The following IL2RB variants were observed in gnomAD, a reference collection of about 807,000 sequenced individuals.
IL2RB encodes the protein interleukin-2 receptor subunit beta.
A neutral mutation model predicts 44.2 loss-of-function variants in IL2RB; 17 were observed. The observed-to-expected ratio is 0.38, with a 90% confidence interval of 0.26 to 0.58. IL2RB has a LOEUF of 0.58. Ranked by LOEUF, IL2RB falls within the 20% of genes least tolerant of loss-of-function variation. IL2RB has a pLI of 0.63. For synonymous variants in IL2RB, 286 were observed against 297.9 expected (o/e 0.96, Z 0.41); for missense variants, 624 against 685.5 (o/e 0.91, Z 1.00).
intron 6 of IL2RB, 72 bp from the exon 7 acceptor site, chr22:37,136,465 A>AACC (rs1921706322): frequency 1.5e-6 from 2 of 1,355,822 alleles, no homozygotes; most frequent in African/African-American, 3.3e-5. Context: ...AGCATCACAG[A>AACC]ACCCCCCCCC....
At position 37,172,203 on chromosome 22, in the gene IL2RB, C is replaced by T. The variant is rs1923309024; in HGVS notation, c.-34+2755G>A. On this transcript the variant is annotated intron_variant, in intron 1 of 5. Transcript: ENST00000429622. ...GTGAGCAAGAAAACTCAACTATTAA[C>T]TAAAGGTAAAGTAAAAAAAAAAAAA... Among the ~76,000 whole-genome samples the T allele has an allele frequency of 2.4e-5, 3 of 126,322 alleles. No individual in the cohort carries two copies. In the South Asian group the frequency reaches 7.2e-4, roughly 30 times the overall value. The allele number at this position is 126,322 out of a possible 152,430, so 82.9% of individuals were successfully genotyped here. A position where few individuals can be genotyped will look rare whatever the true frequency, so the allele number is the denominator to read the frequency against.
chr22:37,166,058 G>A (rs1923066736), intron 1 of IL2RB, among the ~76,000 whole-genome samples: 1 of 152,192 alleles, frequency 6.6e-6, no homozygotes, highest in Non-Finnish European at 1.5e-5. Flanking sequence ...GCAAACCTGA[G>A]CCATGCACAT....
At chr22:37,130,742 A>G (rs1019861165) in intron 9 of IL2RB, among the ~76,000 whole-genome samples, 3 of 152,256 alleles carry the variant, frequency 2.0e-5, no homozygotes, top group Non-Finnish European at 4.4e-5. Flanking sequence ...AACCAGTTCA[A>G]TGGGAGAATC....
intron 4 of IL2RB, among the ~76,000 whole-genome samples, chr22:37,140,985 C>T (rs889717405): frequency 3.9e-5 from 6 of 152,140 alleles, no homozygotes; most frequent in African/African-American, 1.2e-4. Flanking sequence ...GCTGCCCATC[C>T]GGAGTGGCCG....
At chr22:37,149,747 G>T in intron 1 of IL2RB, 78 bp downstream of exon 1, 3 of 683,898 alleles carry the variant, frequency 4.4e-6, no homozygotes, top group Non-Finnish European at 5.4e-6. Flanking sequence ...AGTCAGAGCT[G>T]AAAGTCTTCT....
chr22:37,156,628 G>C (rs565318496), intron 1 of IL2RB, among the ~76,000 whole-genome samples: 51 of 152,316 alleles, frequency 3.3e-4, no homozygotes, highest in African/African-American at 1.2e-3. Flanking sequence ...GCCTGTTAAG[G>C]ACCCTTCCCC....
intron 1 of IL2RB, among the ~76,000 whole-genome samples, chr22:37,145,088 C>CT (rs3218269): frequency 0.3 from 45,562 of 152,110 alleles, 7,447 homozygotes; most frequent in East Asian, 0.49. Context: ...CTCACTGTCC[C>CT]TCGAGGGAGC....
chr22:37,130,307 G>A lies in IL2RB; in HGVS notation c.904-1459C>T, dbSNP rs3218364. Among the ~76,000 whole-genome samples the A allele has an allele frequency of 6.0e-3, 921 of 152,320 alleles. 7 individuals are homozygous for A. The highest frequency in any genetic ancestry group is 8.0e-3 in the Non-Finnish European group (546 of 68,014). On this transcript the variant is annotated intron_variant, in intron 9 of 9. Coordinates refer to ENST00000216223, the MANE Select transcript of IL2RB (RefSeq NM_000878.5). ...AGCGGCCAGGCCTGTGGCCAGTGCC[G>A]GTGAGCCAGGGACCCACTGCCTGTG...
At chr22:37,164,624 C>G (rs1199982604) in intron 1 of IL2RB, among the ~76,000 whole-genome samples, 1 of 152,058 alleles carries the variant, frequency 6.6e-6, no homozygotes, top group African/African-American at 2.4e-5. Flanking sequence ...CTGTTTCTCT[C>G]TCGCTTGAAA....
intron 1 of IL2RB, among the ~76,000 whole-genome samples, chr22:37,162,223 C>T (rs1232294463): frequency 6.6e-6 from 1 of 152,164 alleles, no homozygotes; most frequent in Non-Finnish European, 1.5e-5. Flanking sequence ...TGCCCGCCCC[C>T]ACGGTTTTCT....
At chr22:37,147,573 C>T (rs1257827727) in intron 1 of IL2RB, among the ~76,000 whole-genome samples, 2 of 152,320 alleles carry the variant, frequency 1.3e-5, no homozygotes, top group Admixed American at 6.5e-5. Context: ...AGGCTCCAAG[C>T]CCCTAACTTG....
chr22:37,142,420 G>T lies in IL2RB; in HGVS notation c.282+14C>A. On this transcript the variant is annotated intron_variant, in intron 4 of 9. Transcript: ENST00000216223. ...ACCCTCTCCCTGCACTCTCTCCCTG[G>T]GTGGGCTACTCACATCTGGGGCTCC... 6.2e-7 allele frequency: 1 copy of T among 1,612,352 alleles called. No individual in the cohort carries two copies. The highest frequency in any genetic ancestry group is 8.5e-7 in the Non-Finnish European group (1 of 1,178,410).
chr22:37,144,637 C>T (rs1307591220), intron 1 of IL2RB, among the ~76,000 whole-genome samples: 4 of 151,978 alleles, frequency 2.6e-5, no homozygotes, highest in African/African-American at 7.3e-5. Context: ...CCCAGCTACT[C>T]GGGAGTCTAA....
intron 1 of IL2RB, among the ~76,000 whole-genome samples, chr22:37,149,142 C>G (rs1922366866): frequency 6.6e-6 from 1 of 152,136 alleles, no homozygotes; most frequent in South Asian, 2.1e-4. Context: ...GGCTTCGGCC[C>G]CCAGGAGAGG....
chr22:37,136,720 C>T (rs1746152775), intron 6 of IL2RB, among the ~76,000 whole-genome samples: 1 of 152,118 alleles, frequency 6.6e-6, no homozygotes, highest in African/African-American at 2.4e-5. Flanking sequence ...CTCTGGTTCC[C>T]ACCCGTGCCC....
Position 37,136,388 on chromosome 22 carries a change from G to T in IL2RB, c.543C>A (p.Ala181=). ...GCTTCTGCTTGAGAGTCAGCAGGGG[G>T]GCCTCCTGGGTCGGAGACAGGACTG... ...TLSPGHTWEE[A]PLLTLKQKQE... is the part of the protein sequence containing the mutation. The change falls in exon 7 of 10, where the codon GCC becomes GCA. Residue 181 remains alanine, a synonymous_variant. Transcript: ENST00000216223. The T allele has an allele frequency of 6.2e-7, 1 of 1,608,654 alleles. No homozygotes were observed. Among genetic ancestry groups the T allele is most frequent in the South Asian group, 1.1e-5 (1 of 90,114 alleles).
intron 1 of IL2RB, among the ~76,000 whole-genome samples, chr22:37,164,492 T>G (rs1034267156): frequency 1.5e-3 from 20 of 13,756 alleles, no homozygotes; most frequent in African/African-American, 2.3e-3. Flanking sequence ...GTGGTGGGGG[T>G]GGTGGGCAGG....
At chr22:37,133,386 C>T (rs1422469884) in intron 8 of IL2RB, among the ~76,000 whole-genome samples, 2 of 152,172 alleles carry the variant, frequency 1.3e-5, no homozygotes, top group Non-Finnish European at 2.9e-5. Context: ...ACCACTGCTC[C>T]AGGACGAGGG....
intron 2 of IL2RB, among the ~76,000 whole-genome samples, 165 bp downstream of exon 2, chr22:37,143,906 TGTGTGTGTGTGTGC>T (rs1297093027): frequency 3.8e-5 from 5 of 131,924 alleles, no homozygotes; most frequent in Non-Finnish European, 4.7e-5. Flanking sequence ...TGTGTGTGTG[TGTGTGTGTGTGTGC>T]GCGCATTCAT....
Sources: gnomAD v4.1 joint callset for allele counts (sites outside exome capture counted in the v4.1 genomes callset) on GRCh38, gnomAD v4.1.1 for gene constraint, MANE v1.5 for transcripts, NCBI Gene and HGNC (gene_info 2026-07-23, HGNC 2026-07-21) for gene names.